Variants in HDAC9 observed in about 807,000 individuals in gnomAD.
The protein encoded by HDAC9 is MEF-2 interacting transcription repressor (MITR) protein.
HDAC9 carries 41 observed loss-of-function variants against 139.4 expected under a neutral mutation model. That is an observed-to-expected ratio of 0.29 (90% CI 0.23 to 0.38). The LOEUF (loss-of-function observed/expected upper bound fraction) is 0.38. Among genes scored for constraint, HDAC9 ranks in the 10% least tolerant of loss-of-function variants. HDAC9 has a pLI of 1.00. For missense variants in HDAC9, 1,147 were observed against 1,297.0 expected (o/e 0.88, Z 1.78); for synonymous variants, 517 against 476.2 (o/e 1.09, Z -1.12).
intron 6 of HDAC9, among the ~76,000 whole-genome samples, chr7:18,596,324 C>T (rs1164005229): frequency 6.6e-6 from 1 of 152,016 alleles, no homozygotes; most frequent in Non-Finnish European, 1.5e-5. Flanking sequence ...AATACAGATG[C>T]TTTCTATACT....
chr7:18,597,593 T>C (rs763945718), intron 6 of HDAC9, among the ~76,000 whole-genome samples: 39 of 152,172 alleles, frequency 2.6e-4, no homozygotes, highest in South Asian at 6.2e-4. Flanking sequence ...TCTACATATG[T>C]GGTGATTTTG....
rs1164784418 is a variant in HDAC9, at chr7:18,996,580, G to GTTTGT, written c.*530_*534dup. On this transcript the variant is annotated 3_prime_UTR_variant, in exon 26 of 26. Coordinates refer to ENST00000686413, the MANE Select transcript of HDAC9 (RefSeq NM_178425.4). ...ACCCAGAATGTAATGTTTCTTGTTT[G>GTTTGT]TTTGTTTTGTTTTGTTAGGGTTTTT... 6.6e-6 allele frequency: 1 copy of GTTTGT among 152,492 alleles called. No homozygotes were observed. Among genetic ancestry groups the GTTTGT allele is most frequent in the Non-Finnish European group, 1.5e-5 (1 of 68,344 alleles). The allele number at this position is 152,492 out of a possible 1,614,324, so 9.4% of individuals were successfully genotyped here. A position where few individuals can be genotyped will look rare whatever the true frequency, so the allele number is the denominator to read the frequency against.
intron 1 of HDAC9, among the ~76,000 whole-genome samples, chr7:18,296,962 T>G (rs1415874193): frequency 6.6e-6 from 1 of 152,144 alleles, no homozygotes; most frequent in African/African-American, 2.4e-5. Context: ...TCAGGAAGAT[T>G]GAAGTGCCAT....
At chr7:18,924,859 C>A (rs1319099809) in intron 22 of HDAC9, among the ~76,000 whole-genome samples, 4 of 152,064 alleles carry the variant, frequency 2.6e-5, no homozygotes, top group Admixed American at 6.6e-5. Flanking sequence ...CAAATCAGTG[C>A]ATAAGCTTTT....
intron 21 of HDAC9, among the ~76,000 whole-genome samples, chr7:18,866,379 G>A (rs763838906): frequency 1.3e-5 from 2 of 151,984 alleles, no homozygotes; most frequent in Non-Finnish European, 2.9e-5. Flanking sequence ...AAGAGATCAG[G>A]GACTTTGCTG....
At chr7:18,357,994 T>A (rs1783458186) in intron 1 of HDAC9, among the ~76,000 whole-genome samples, 1 of 152,124 alleles carries the variant, frequency 6.6e-6, no homozygotes, top group Admixed American at 6.5e-5. Flanking sequence ...CTATGGAGAT[T>A]GGATTGGAGA....
chr7:18,607,210 A>G (rs969571653), intron 6 of HDAC9, among the ~76,000 whole-genome samples: 1 of 152,222 alleles, frequency 6.6e-6, no homozygotes, highest in Non-Finnish European at 1.5e-5. Flanking sequence ...AGCTAAGAGC[A>G]AGTATCAAAT....
intron 1 of HDAC9, among the ~76,000 whole-genome samples, chr7:18,320,501 A>G (rs1799951202): frequency 6.6e-6 from 1 of 152,114 alleles, no homozygotes; most frequent in Non-Finnish European, 1.5e-5. Context: ...CCTTATTGTC[A>G]ATCACGTTAA....
rs141879176 is a variant in HDAC9 at position 18,557,590 on chromosome 7, G to A, written c.23-27691G>A. ...TCTACTAGTAGTAGTAGTAGAAGGGGTGAGAAAAGGGAATTTTTGACCTTT... is the reference window on the plus strand; with the variant it reads ...TCTACTAGTAGTAGTAGTAGAAGGGATGAGAAAAGGGAATTTTTGACCTTT... On this transcript the variant is annotated intron_variant, in intron 2 of 25. Transcript: ENST00000686413. Among the ~76,000 whole-genome samples, 44 of 150,448 alleles carry A rather than the reference G, an allele frequency of 2.9e-4. 1 individual carries two copies. In the East Asian group the frequency reaches 7.9e-3, roughly 27 times the overall value.
chr7:18,094,205 A>G (rs543528221), intron 1 of HDAC9, among the ~76,000 whole-genome samples: 5 of 152,178 alleles, frequency 3.3e-5, no homozygotes, highest in South Asian at 2.1e-4. Flanking sequence ...CTAGAATACT[A>G]CTGTTCTCAA....
At chr7:18,794,893 G>A (rs1041620462) in intron 17 of HDAC9, among the ~76,000 whole-genome samples, 7 of 152,162 alleles carry the variant, frequency 4.6e-5, no homozygotes, top group Non-Finnish European at 7.3e-5. Context: ...TAATTATTAT[G>A]TTAGCTTTCA....
chr7:18,465,417 T>A (rs2128114142), intron 1 of HDAC9, among the ~76,000 whole-genome samples: 1 of 152,272 alleles, frequency 6.6e-6, no homozygotes, highest in East Asian at 1.9e-4. Context: ...TCCTTCATTA[T>A]ATATTCATTA....
At chr7:18,594,471 G>GT (rs1831902004) in intron 6 of HDAC9, among the ~76,000 whole-genome samples, 1 of 151,914 alleles carries the variant, frequency 6.6e-6, no homozygotes, top group Non-Finnish European at 1.5e-5. Context: ...AATTTTAATT[G>GT]TTTTTGTGGT....
At chr7:18,835,876 C>A in intron 20 of HDAC9, 24 bp from the exon 21 acceptor site, 3 of 1,459,256 alleles carry the variant, frequency 2.1e-6, no homozygotes, top group Non-Finnish European at 2.8e-6. Context: ...CTCTGCCCAC[C>A]GTGGTGTGTC....
At chr7:18,575,484 A>C (rs914817127) in intron 2 of HDAC9, among the ~76,000 whole-genome samples, 4 of 152,222 alleles carry the variant, frequency 2.6e-5, no homozygotes, top group African/African-American at 4.8e-5. Context: ...ATCCCTACTG[A>C]AGCAAACAGC....
In HDAC9 at chr7:18,435,059, C is replaced by CAAAA. The variant is rs376786180; in HGVS notation, c.-41-61184_-41-61181dup. ...TATACCCCATGAAATACTACACAGC[C>CAAAA]AAAAAAAAAAAAAAAAAAAAAAGAA... On this transcript the variant is annotated intron_variant, in intron 1 of 3. Coordinates refer to the HDAC9 transcript ENST00000413509. 3.2e-3 allele frequency among the ~76,000 whole-genome samples: 217 copies of CAAAA among 67,728 alleles called. 3 individuals are homozygous for CAAAA. Among genetic ancestry groups the CAAAA allele is most frequent in the Middle Eastern group, 0.014 (1 of 70 alleles). The allele number at this position is 67,728 out of a possible 152,430, so 44.4% of individuals were successfully genotyped here.
chr7:18,548,662 A>AACTCAACAGTAAAATAACTCAAC (rs1816035774), intron 2 of HDAC9, among the ~76,000 whole-genome samples: 1 of 152,246 alleles, frequency 6.6e-6, no homozygotes, highest in East Asian at 1.9e-4. Context: ...ATGTATAAAT[A>AACTCAACAGTAAAATAACTCAAC]ACTCAACACT....
rs78862261 is a variant in HDAC9 at position 18,561,249 on chromosome 7, C to T, written c.23-24032C>T. On this transcript the variant is annotated intron_variant, in intron 2 of 25. Coordinates refer to ENST00000686413, the MANE Select transcript of HDAC9 (RefSeq NM_178425.4). Reference sequence around the variant, plus strand: ...GTATTGAATTTAAATGTAACCTGAACGGCTAGAGTGAGCACACTAATATGG... The same window carrying T: ...GTATTGAATTTAAATGTAACCTGAATGGCTAGAGTGAGCACACTAATATGG... 7.4e-3 allele frequency among the ~76,000 whole-genome samples: 1,125 copies of T among 152,216 alleles called. 14 individuals carry two copies. The highest frequency in any genetic ancestry group is 0.026 in the African/African-American group (1,061 of 41,536).
chr7:18,617,467 A>G (rs1278553251), intron 6 of HDAC9, among the ~76,000 whole-genome samples: 3 of 152,118 alleles, frequency 2.0e-5, no homozygotes, highest in South Asian at 2.1e-4. Context: ...GGTTTTCCAG[A>G]TGCTCCTTGC....
Sources: gnomAD v4.1 joint callset for allele counts (sites outside exome capture counted in the v4.1 genomes callset) on GRCh38, gnomAD v4.1.1 for gene constraint, MANE v1.5 for transcripts, NCBI Gene and HGNC (gene_info 2026-07-23, HGNC 2026-07-21) for gene names.